The following ENOX1 variants were observed in gnomAD, a reference collection of about 807,000 sequenced individuals.
The protein encoded by ENOX1 is ecto-NOX disulfide-thiol exchanger 1.
In ENOX1, 42 loss-of-function variants were observed where a neutral mutation model predicts 82.5. The observed-to-expected ratio is 0.51, with a 90% CI of 0.40 to 0.66. The LOEUF (loss-of-function observed/expected upper bound fraction) is 0.66. Among genes scored for constraint, ENOX1 ranks in the 30% least tolerant of loss-of-function variants. The probability of loss-of-function intolerance (pLI) is 0.00; values close to 1 mark genes in which losing one functional copy is unlikely to be tolerated. For missense variants in ENOX1, 608 were observed against 811.6 expected (o/e 0.75, Z 3.05); for synonymous variants, 271 against 282.2 (o/e 0.96, Z 0.40).
chr13:43,226,573 A>G (rs1396337014), intron 15 of ENOX1, among the ~76,000 whole-genome samples: 3 of 152,218 alleles, frequency 2.0e-5, no homozygotes, highest in African/African-American at 4.8e-5. Context: ...CAGTTCGTGT[A>G]GAGGGAATCC....
intron 8 of ENOX1, among the ~76,000 whole-genome samples, chr13:43,351,412 TTTTATTTA>T (rs150546063): frequency 2.2e-4 from 33 of 149,446 alleles, no homozygotes; most frequent in South Asian, 2.1e-4. Context: ...TATTTATTTA[TTTTATTTA>T]TTTATTTATT....
At chr13:43,443,844 T>C (rs1028444686) in intron 3 of ENOX1, among the ~76,000 whole-genome samples, 7 of 152,150 alleles carry the variant, frequency 4.6e-5, no homozygotes, top group African/African-American at 1.7e-4. Context: ...TATCCACACA[T>C]GCCAAGTTTT....
rs745594830 is a variant in ENOX1, at chr13:43,722,699, C to T, written c.-284-55155G>A. ...AATCCATAAAGTGGGTAAAATTACT[C>T]TTATCACTGTTATTATTACTCTAAA... On this transcript the variant is annotated intron_variant, in intron 1 of 16. Coordinates refer to ENST00000690772, the MANE Select transcript of ENOX1 (RefSeq NM_001347969.2). Among the ~76,000 whole-genome samples, 84 of 151,842 alleles carry T rather than the reference C, an allele frequency of 5.5e-4. 2 individuals are homozygous for T. The highest frequency in any genetic ancestry group is 1.6e-4 in the Non-Finnish European group (11 of 67,998).
At chr13:43,493,452 G>A (rs1186523122) in intron 2 of ENOX1, among the ~76,000 whole-genome samples, 3 of 152,182 alleles carry the variant, frequency 2.0e-5, no homozygotes, top group Admixed American at 1.3e-4. Context: ...GTAAGTCTTG[G>A]AGTCCAAGGA....
chr13:43,375,494 A>T (rs575759979), intron 5 of ENOX1, among the ~76,000 whole-genome samples: 1 of 152,350 alleles, frequency 6.6e-6, no homozygotes, highest in South Asian at 2.1e-4. Context: ...CTGGGGGCAT[A>T]GAGGTAAGTC....
intron 2 of ENOX1, among the ~76,000 whole-genome samples, chr13:43,522,133 A>C (rs1381302360): frequency 1.3e-5 from 2 of 151,992 alleles, no homozygotes; most frequent in Non-Finnish European, 2.9e-5. Flanking sequence ...AAATCTGAGG[A>C]AAAACTCTAT....
intron 2 of ENOX1, among the ~76,000 whole-genome samples, chr13:43,542,706 G>A (rs2078795385): frequency 6.6e-6 from 1 of 152,184 alleles, no homozygotes; most frequent in Non-Finnish European, 1.5e-5. Context: ...AAAGTGATGG[G>A]ATTACAGGCG....
chr13:43,710,328 C>CA, intron 1 of ENOX1, among the ~76,000 whole-genome samples: 1 of 152,046 alleles, frequency 6.6e-6, no homozygotes, highest in African/African-American at 2.4e-5. Flanking sequence ...TGAAAGTAAT[C>CA]CATCACATTA....
intron 2 of ENOX1, among the ~76,000 whole-genome samples, chr13:43,556,184 C>A (rs2079428444): frequency 6.6e-6 from 1 of 151,630 alleles, no homozygotes; most frequent in Admixed American, 6.6e-5. Flanking sequence ...TTGATGCTTC[C>A]AGGAAAACAA....
At chr13:43,290,090 A>G in intron 12 of ENOX1, among the ~76,000 whole-genome samples, 1 of 152,198 alleles carries the variant, frequency 6.6e-6, no homozygotes, top group Non-Finnish European at 1.5e-5. Context: ...GCTGGTGAGG[A>G]TATGGAGAAA....
At position 43,520,977 on chromosome 13, in the gene ENOX1, A is replaced by AC. The variant is rs2077743783; in HGVS notation, c.-218-36826dup. 2.0e-5 allele frequency among the ~76,000 whole-genome samples: 3 copies of AC among 152,184 alleles called. No individual in the cohort carries two copies. In the South Asian group the frequency reaches 6.2e-4, roughly 31 times the overall value. On this transcript the variant is annotated intron_variant, in intron 2 of 16. Transcript: ENST00000690772. ...AATGAGGGAAGCTCTTAGTGTAATTACTTGTAGAAATTTGGTAATATATGT... is the reference window on the plus strand; with the variant it reads ...AATGAGGGAAGCTCTTAGTGTAATTACCTTGTAGAAATTTGGTAATATATGT...
intron 14 of ENOX1, among the ~76,000 whole-genome samples, chr13:43,247,844 TATATATATA>T (rs2043167445): frequency 2.0e-4 from 1 of 5,114 alleles, no homozygotes. Flanking sequence ...TATATATATA[TATATATATA>T]TATATATATA....
At chr13:43,480,169 C>T (rs547659722) in intron 3 of ENOX1, among the ~76,000 whole-genome samples, 2 of 152,158 alleles carry the variant, frequency 1.3e-5, no homozygotes, top group African/African-American at 4.8e-5. Flanking sequence ...GAACTCCTGA[C>T]CTCAGGTGAT....
chr13:43,478,062 T>TTG, intron 3 of ENOX1, among the ~76,000 whole-genome samples: 2 of 149,232 alleles, frequency 1.3e-5, no homozygotes, highest in African/African-American at 4.9e-5. Context: ...AGGTTTTTTT[T>TTG]TTTTTTTTTT....
intron 2 of ENOX1, among the ~76,000 whole-genome samples, chr13:43,557,693 G>C (rs780568799): frequency 8.5e-5 from 13 of 152,150 alleles, no homozygotes; most frequent in Non-Finnish European, 1.3e-4. Context: ...AGCTACTCAG[G>C]AGGCTGAGGC....
At chr13:43,227,373 A>G (rs2042073741) in intron 15 of ENOX1, among the ~76,000 whole-genome samples, 1 of 152,222 alleles carries the variant, frequency 6.6e-6, no homozygotes, top group Non-Finnish European at 1.5e-5. Context: ...GTACACATTC[A>G]TAAGAGGTAT....
chr13:43,644,567 C>G (rs562458039), intron 2 of ENOX1, among the ~76,000 whole-genome samples: 67 of 152,276 alleles, frequency 4.4e-4, no homozygotes, highest in Admixed American at 9.2e-4. Flanking sequence ...TGAAAGTAAT[C>G]AAATAAACTT....
chr13:43,777,942 G>A (rs546330118), intron 1 of ENOX1, among the ~76,000 whole-genome samples: 40 of 152,128 alleles, frequency 2.6e-4, no homozygotes, highest in East Asian at 2.5e-3. Flanking sequence ...CTGTGTATCC[G>A]GGGCCCCTTA....
intron 9 of ENOX1, among the ~76,000 whole-genome samples, chr13:43,335,263 AG>A (rs1200916652): frequency 6.6e-6 from 1 of 152,226 alleles, no homozygotes; most frequent in African/African-American, 2.4e-5. Flanking sequence ...GATTCTCCCC[AG>A]GTACAATTTT....
Sources: allele counts gnomAD v4.1 joint callset (sites outside exome capture counted in the v4.1 genomes callset), GRCh38; gene constraint gnomAD v4.1.1; transcripts MANE v1.5; gene names NCBI Gene and HGNC (gene_info 2026-07-23, HGNC 2026-07-21).